CCDC102B: variants seen among roughly 807,000 people sequenced by gnomAD.
CCDC102B encodes the protein coiled-coil domain containing 102B, also known as coiled-coil domain-containing protein 102B.
CCDC102B carries 75 observed loss-of-function variants against 57.4 expected under a neutral mutation model. The observed-to-expected ratio is 1.31, with a 90% CI of 1.08 to 1.58. The LOEUF is 1.58. CCDC102B is among the 40% of genes most tolerant of loss of function. CCDC102B has a pLI of 0.00. For missense variants in CCDC102B, 636 were observed against 582.6 expected (o/e 1.09, Z -0.94); for synonymous variants, 206 against 201.9 (o/e 1.02, Z -0.17).
chr18:68,837,396 G>A, intron 2 of CCDC102B, 27 bp downstream of exon 2: 1 of 1,583,820 alleles, frequency 6.3e-7, no homozygotes, highest in Non-Finnish European at 8.6e-7. Flanking sequence ...GAGATGATGT[G>A]AATTTCTGAA....
chr18:68,890,031 C>G (rs892862347), intron 5 of CCDC102B, among the ~76,000 whole-genome samples: 1 of 152,188 alleles, frequency 6.6e-6, no homozygotes, highest in South Asian at 2.1e-4. Flanking sequence ...TATTAGGATG[C>G]TGGCCATCTT....
chr18:68,794,367 T>C (rs1322222902), upstream of CCDC102B, among the ~76,000 whole-genome samples: 2 of 152,156 alleles, frequency 1.3e-5, no homozygotes, highest in Admixed American at 6.5e-5. Flanking sequence ...TTTCCACTTA[T>C]GTTTCATTGG....
intron 6 of CCDC102B, among the ~76,000 whole-genome samples, chr18:68,994,641 CT>C (rs1395832158): frequency 9.9e-5 from 15 of 152,192 alleles, no homozygotes; most frequent in East Asian, 1.9e-4. Context: ...ATAAAGGGTT[CT>C]TCCCCTTTCT....
intron 6 of CCDC102B, among the ~76,000 whole-genome samples, chr18:68,924,696 A>T (rs1372575388): frequency 2.0e-5 from 3 of 152,108 alleles, no homozygotes; most frequent in Non-Finnish European, 4.4e-5. Flanking sequence ...GGACTTATCA[A>T]TAGGCCTGAA....
chr18:68,722,019 A>C (rs1040825802), intron 2 of CCDC102B, among the ~76,000 whole-genome samples: 1 of 152,250 alleles, frequency 6.6e-6, no homozygotes, highest in Non-Finnish European at 1.5e-5. Flanking sequence ...GGGAGGAAAC[A>C]ACCGAAGTAA....
intron 2 of CCDC102B, among the ~76,000 whole-genome samples, chr18:68,766,000 A>C (rs1045936075): frequency 5.9e-5 from 9 of 152,138 alleles, no homozygotes; most frequent in Non-Finnish European, 7.4e-5. Flanking sequence ...CAATTGAACA[A>C]AATTTTCCAT....
chr18:68,901,117 G>A (rs779149220), intron 6 of CCDC102B, among the ~76,000 whole-genome samples: 10 of 152,216 alleles, frequency 6.6e-5, no homozygotes, highest in Admixed American at 1.3e-4. Context: ...CAACTTCCAG[G>A]AATCTTTGTT....
At chr18:68,744,361 G>T (rs1247835929) in intron 2 of CCDC102B, among the ~76,000 whole-genome samples, 3 of 152,156 alleles carry the variant, frequency 2.0e-5, no homozygotes, top group Non-Finnish European at 2.9e-5. Flanking sequence ...AAAATTTTCT[G>T]AAAATTTTTT....
At chr18:68,872,174 C>T (rs1349687580) in intron 4 of CCDC102B, among the ~76,000 whole-genome samples, 1 of 152,246 alleles carries the variant, frequency 6.6e-6, no homozygotes, top group East Asian at 1.9e-4. Context: ...ATTTGGCTTT[C>T]CAGTGTGTCA....
At chr18:69,045,380 A>T (rs531912866) in intron 7 of CCDC102B, among the ~76,000 whole-genome samples, 1 of 152,238 alleles carries the variant, frequency 6.6e-6, no homozygotes, top group South Asian at 2.1e-4. Flanking sequence ...TTCTGTGATA[A>T]AATACTCTCA....
intron 5 of CCDC102B, among the ~76,000 whole-genome samples, chr18:68,877,518 G>A (rs1539893): frequency 0.73 from 111,039 of 152,086 alleles, 42,187 homozygotes; most frequent in Middle Eastern, 0.87. Context: ...TCACAAGTCA[G>A]CTTAGCAAGT....
chr18:68,995,289 C>A (rs1170061472), intron 6 of CCDC102B, among the ~76,000 whole-genome samples: 1 of 152,144 alleles, frequency 6.6e-6, no homozygotes, highest in Admixed American at 6.5e-5. Flanking sequence ...GAAATTTAGA[C>A]CTGCCACAGA....
chr18:68,934,319 C>T (rs2041775656), intron 6 of CCDC102B, among the ~76,000 whole-genome samples: 1 of 151,836 alleles, frequency 6.6e-6, no homozygotes, highest in Admixed American at 6.6e-5. Flanking sequence ...CCTTTCATTA[C>T]CATAGTGAGC....
intron 1 of CCDC102B, among the ~76,000 whole-genome samples, chr18:68,804,858 CAA>C (rs1301751842): frequency 7.2e-6 from 1 of 139,826 alleles, no homozygotes; most frequent in Non-Finnish European, 1.5e-5. Context: ...GGGTTGGGAT[CAA>C]AATCTTTTTT....
At chr18:68,954,385 G>A (rs140148464) in intron 6 of CCDC102B, among the ~76,000 whole-genome samples, 1,856 of 152,160 alleles carry the variant, frequency 0.012, 20 homozygotes, top group East Asian at 0.031. Flanking sequence ...ATGCCACTGC[G>A]CTCCAGCCTG....
chr18:68,866,113 A>G (rs1039025582), intron 4 of CCDC102B, among the ~76,000 whole-genome samples: 10 of 152,216 alleles, frequency 6.6e-5, no homozygotes, highest in African/African-American at 1.9e-4. Flanking sequence ...GTAAATGATT[A>G]GTTTACATTT....
chr18:69,053,801 T>A (rs1003980024), intron 7 of CCDC102B, among the ~76,000 whole-genome samples: 10 of 151,922 alleles, frequency 6.6e-5, no homozygotes, highest in Admixed American at 3.3e-4. Context: ...TTTGTACATA[T>A]TTATGATATA....
At chr18:68,956,517 C>CTA (rs2049889205) in intron 6 of CCDC102B, among the ~76,000 whole-genome samples, 2 of 21,846 alleles carry the variant, frequency 9.2e-5, no homozygotes, top group African/African-American at 4.3e-4. Context: ...ATATATATCG[C>CTA]ATATTATATA....
At chr18:69,031,073 C>G (rs937342556) in intron 7 of CCDC102B, among the ~76,000 whole-genome samples, 1 of 152,114 alleles carries the variant, frequency 6.6e-6, no homozygotes, top group Non-Finnish European at 1.5e-5. Context: ...GTGCTTATGA[C>G]CTAAAGGGCT....
Sources: allele counts gnomAD v4.1 joint callset (sites outside exome capture counted in the v4.1 genomes callset), GRCh38; gene constraint gnomAD v4.1.1; transcripts MANE v1.5; gene names NCBI Gene and HGNC (gene_info 2026-07-23, HGNC 2026-07-21).